The following LSAMP variants were observed in gnomAD, a reference collection of about 807,000 sequenced individuals.
The protein encoded by LSAMP is limbic system-associated membrane protein.
A neutral mutation model predicts 38.6 loss-of-function variants in LSAMP; 7 were observed. The ratio of observed to expected loss-of-function variants is 0.18; its 90% CI spans 0.10 to 0.34. LSAMP has a LOEUF of 0.34. Among genes scored for constraint, LSAMP ranks in the 10% least tolerant of loss-of-function variants. The probability of loss-of-function intolerance (pLI) is 1.00; values close to 1 mark genes in which losing one functional copy is unlikely to be tolerated. For missense variants in LSAMP, 313 were observed against 420.0 expected, an observed-to-expected ratio of 0.75 and a Z score of 2.23; for synonymous variants, 154 against 166.8, an observed-to-expected ratio of 0.92 and a Z score of 0.59.
At chr3:116,187,091 A>T (rs1279502276) in intron 1 of LSAMP, among the ~76,000 whole-genome samples, 2 of 152,088 alleles carry the variant, frequency 1.3e-5, no homozygotes. Context: ...TTCTAAATTA[A>T]ATGTTTTCAA....
At chr3:115,936,266 G>A (rs1937699721) in intron 3 of LSAMP, among the ~76,000 whole-genome samples, 1 of 152,136 alleles carries the variant, frequency 6.6e-6, no homozygotes, top group Non-Finnish European at 1.5e-5. Context: ...ATTTGAGTAG[G>A]GAGAGTGTAT....
chr3:116,010,609 G>T (rs1940296651), intron 3 of LSAMP, among the ~76,000 whole-genome samples: 1 of 152,202 alleles, frequency 6.6e-6, no homozygotes, highest in Non-Finnish European at 1.5e-5. Flanking sequence ...TTGAGATTTG[G>T]GAGGATTCGC....
intron 3 of LSAMP, among the ~76,000 whole-genome samples, chr3:115,931,484 T>C (rs767647556): frequency 5.9e-5 from 9 of 152,258 alleles, no homozygotes; most frequent in Non-Finnish European, 1.2e-4. Context: ...AAGTGGCTCT[T>C]ATTCTCTGAG....
intron 3 of LSAMP, among the ~76,000 whole-genome samples, chr3:115,952,209 C>G (rs529524861): frequency 6.6e-6 from 1 of 152,304 alleles, no homozygotes. Flanking sequence ...AGCAATCCCA[C>G]TACTGGGTAT....
At chr3:116,436,994 CAT>C (rs530631876) in intron 1 of LSAMP, among the ~76,000 whole-genome samples, 46 of 145,988 alleles carry the variant, frequency 3.2e-4, no homozygotes, top group African/African-American at 9.2e-4. Flanking sequence ...TATATATATG[CAT>C]ATATATATAT....
chr3:116,210,270 A>C (rs2046138022), intron 1 of LSAMP, among the ~76,000 whole-genome samples: 1 of 152,164 alleles, frequency 6.6e-6, no homozygotes, highest in African/African-American at 2.4e-5. Flanking sequence ...GGGTGTTGCC[A>C]AGGGAGTTTA....
At chr3:115,878,072 T>C (rs557181342) in intron 3 of LSAMP, among the ~76,000 whole-genome samples, 1 of 152,248 alleles carries the variant, frequency 6.6e-6, no homozygotes, top group South Asian at 2.1e-4. Context: ...TTCTGCAGTA[T>C]ATGTGAAGTG....
intron 1 of LSAMP, among the ~76,000 whole-genome samples, chr3:116,175,031 G>A (rs970072954): frequency 6.6e-6 from 1 of 152,056 alleles, no homozygotes; most frequent in African/African-American, 2.4e-5. Context: ...AGTCTAAACT[G>A]TAAGAATTCT....
chr3:116,379,486 A>T (rs1379327382), intron 1 of LSAMP, among the ~76,000 whole-genome samples: 3 of 152,000 alleles, frequency 2.0e-5, no homozygotes, highest in Non-Finnish European at 2.9e-5. Flanking sequence ...CTGGGGCAGA[A>T]ATGTCAATTT....
intron 1 of LSAMP, among the ~76,000 whole-genome samples, chr3:116,190,007 T>A (rs1269708069): frequency 6.6e-6 from 1 of 152,006 alleles, no homozygotes; most frequent in Non-Finnish European, 1.5e-5. Flanking sequence ...TGTACAATTT[T>A]ACCTTTCAAT....
chr3:116,180,599 A>C (rs761447135), intron 1 of LSAMP, among the ~76,000 whole-genome samples: 16 of 152,216 alleles, frequency 1.1e-4, no homozygotes, highest in South Asian at 2.1e-4. Flanking sequence ...AGGTTGAGGA[A>C]GTAGAGGAAT....
chr3:116,019,232 T>C (rs1034689544), intron 3 of LSAMP, among the ~76,000 whole-genome samples: 1 of 146,660 alleles, frequency 6.8e-6, no homozygotes, highest in African/African-American at 2.5e-5. Context: ...GATAGACAGA[T>C]AGATAGATGA....
chr3:115,986,267 G>A (rs781110181), intron 3 of LSAMP, among the ~76,000 whole-genome samples: 16 of 152,130 alleles, frequency 1.1e-4, no homozygotes, highest in Non-Finnish European at 2.1e-4. Flanking sequence ...GAATGTAGGG[G>A]TTAGAAAGCA....
intron 2 of LSAMP, among the ~76,000 whole-genome samples, chr3:116,073,205 T>C (rs568784867): frequency 6.6e-6 from 1 of 152,188 alleles, no homozygotes; most frequent in Non-Finnish European, 1.5e-5. Context: ...TTGTCAAAGA[T>C]CAGATGGTTG....
At chr3:116,161,362 T>C (rs192511083) in intron 1 of LSAMP, among the ~76,000 whole-genome samples, 113 of 152,334 alleles carry the variant, frequency 7.4e-4, no homozygotes, top group Admixed American at 6.4e-3. Flanking sequence ...TTTATTCCTA[T>C]ACTAGTCTGT....
chr3:116,415,486 A>G (rs927056521), intron 1 of LSAMP, among the ~76,000 whole-genome samples: 7 of 151,984 alleles, frequency 4.6e-5, no homozygotes, highest in African/African-American at 1.7e-4. Flanking sequence ...CAAGAAATAC[A>G]TTCCTTGATG....
At chr3:116,149,792 T>A (rs1368854352) in intron 1 of LSAMP, among the ~76,000 whole-genome samples, 2 of 151,986 alleles carry the variant, frequency 1.3e-5, no homozygotes, top group South Asian at 4.1e-4. Context: ...AGCTCTTGAA[T>A]AAATATCTTT....
At chr3:116,067,814 A>G (rs779796600) in intron 2 of LSAMP, among the ~76,000 whole-genome samples, 14 of 152,230 alleles carry the variant, frequency 9.2e-5, no homozygotes, top group Non-Finnish European at 1.9e-4. Context: ...CCAAAACAAA[A>G]GCATCAAATT....
At chr3:116,378,657 C>T (rs1289008290) in intron 1 of LSAMP, among the ~76,000 whole-genome samples, 3 of 151,854 alleles carry the variant, frequency 2.0e-5, no homozygotes, top group African/African-American at 7.3e-5. Context: ...AGATACTATT[C>T]CTGATGACAT....
Sources: gnomAD v4.1 joint callset for allele counts (sites outside exome capture counted in the v4.1 genomes callset) on GRCh38, gnomAD v4.1.1 for gene constraint, MANE v1.5 for transcripts, NCBI Gene and HGNC (gene_info 2026-07-23, HGNC 2026-07-21) for gene names.